The following CEP112 variants were observed in gnomAD, a reference collection of about 807,000 sequenced individuals.
CEP112 encodes centrosomal protein 112.
CEP112 carries 127 observed loss-of-function variants against 153.0 expected under a neutral mutation model. The ratio of observed to expected loss-of-function variants is 0.83; its 90% CI spans 0.72 to 0.96. The LOEUF (loss-of-function observed/expected upper bound fraction) is 0.96. CEP112 is among the 40% of genes least tolerant of loss of function. CEP112 has a pLI of 0.00. For synonymous variants in CEP112, 358 were observed against 374.4 expected (o/e 0.96, Z 0.51); for missense variants, 1,089 against 1,101.2 (o/e 0.99, Z 0.16).
chr17:65,831,222 CTG>C (rs1298677715), intron 21 of CEP112, among the ~76,000 whole-genome samples: 1 of 152,210 alleles, frequency 6.6e-6, no homozygotes, highest in Non-Finnish European at 1.5e-5. Flanking sequence ...AGCTGACAAA[CTG>C]TGAAATATCA....
Position 65,750,666 on chromosome 17 carries a change from G to A in CEP112, c.2453C>T (p.Ser818Leu), listed in dbSNP as rs1393748212. 1 of 1,613,692 alleles carries A rather than the reference G, an allele frequency of 6.2e-7. No individual in the cohort carries two copies. The highest frequency in any genetic ancestry group is 1.3e-5 in the African/African-American group (1 of 74,906). ...KEYTQKLAKS[S>L]QIIAELQTTI... ...GTGTCTTTTAATGTTGCTTACCTGT[G>A]AAGATTTGGCAAGCTTCTGAGTGTA... Residue 818 changes from serine (S) to leucine (L), a missense_variant, in exon 22 of 27, where the codon TCA becomes TTA. Coordinates refer to ENST00000535342, the MANE Select transcript of CEP112 (RefSeq NM_001199165.4).
intron 21 of CEP112, among the ~76,000 whole-genome samples, chr17:65,798,043 T>A (rs1482364302): frequency 1.3e-5 from 2 of 152,118 alleles, no homozygotes; most frequent in Non-Finnish European, 2.9e-5. Context: ...GGGTGGTATA[T>A]GAGTGTGGGC....
At chr17:66,030,817 C>A (rs929940918) in intron 12 of CEP112, among the ~76,000 whole-genome samples, 3 of 152,088 alleles carry the variant, frequency 2.0e-5, no homozygotes, top group African/African-American at 4.8e-5. Flanking sequence ...AATTAAACTT[C>A]TAATAAGTGT....
At chr17:65,832,473 G>C (rs1254952595) in intron 21 of CEP112, among the ~76,000 whole-genome samples, 3 of 147,720 alleles carry the variant, frequency 2.0e-5, no homozygotes, top group African/African-American at 7.4e-5. Flanking sequence ...TAATAAAGAA[G>C]AAAGAGAGAA....
At chr17:65,900,694 G>A (rs1285419575) in intron 20 of CEP112, among the ~76,000 whole-genome samples, 1 of 152,070 alleles carries the variant, frequency 6.6e-6, no homozygotes, top group African/African-American at 2.4e-5. Flanking sequence ...GGAAAACAAT[G>A]GTAAGGTTTA....
chr17:65,731,284 TA>T (rs1380791876), intron 23 of CEP112, among the ~76,000 whole-genome samples: 1 of 152,194 alleles, frequency 6.6e-6, no homozygotes, highest in African/African-American at 2.4e-5. Flanking sequence ...GAGTCTCGCA[TA>T]TTTTTTTGGT....
chr17:66,072,210 C>T (rs1471726203), intron 8 of CEP112, among the ~76,000 whole-genome samples: 1 of 152,094 alleles, frequency 6.6e-6, no homozygotes, highest in Non-Finnish European at 1.5e-5. Flanking sequence ...TCCCTAAAAA[C>T]TTCAATATAT....
chr17:66,016,240 C>G (rs988987361), intron 16 of CEP112, among the ~76,000 whole-genome samples: 1 of 152,146 alleles, frequency 6.6e-6, no homozygotes, highest in African/African-American at 2.4e-5. Context: ...GTAATGCTCT[C>G]ATTCCTTTCC....
chr17:65,902,215 C>CTGTTT lies in CEP112; in HGVS notation c.2095_2099dup (p.Leu701AsnfsTer35). On this transcript the variant is annotated frameshift_variant, in exon 20 of 27. Coordinates refer to ENST00000535342, the MANE Select transcript of CEP112 (RefSeq NM_001199165.4). LOFTEE classifies it high-confidence loss of function. ...CGTGCTCCATATTGGCAGCGCGAAG[C>CTGTTT]TGTTTTTCCAGGTTTTCAATTTCCC... The CTGTTT allele has an allele frequency of 6.2e-7, 1 of 1,614,010 alleles. No individual in the cohort carries two copies. Among genetic ancestry groups the CTGTTT allele is most frequent in the Non-Finnish European group, 8.5e-7 (1 of 1,179,986 alleles).
intron 17 of CEP112, among the ~76,000 whole-genome samples, chr17:65,988,550 T>G (rs1382834998): frequency 5.3e-5 from 8 of 150,080 alleles, no homozygotes; most frequent in African/African-American, 2.0e-4. Context: ...TCATAAATTA[T>G]CAGAGAAATC....
intron 12 of CEP112, among the ~76,000 whole-genome samples, chr17:66,038,015 C>A (rs2065807942): frequency 6.7e-6 from 1 of 148,934 alleles, no homozygotes; most frequent in South Asian, 2.1e-4. Flanking sequence ...TGGGGCTGTA[C>A]CAGATACAAC....
chr17:66,119,947 T>C (rs1030126879), intron 6 of CEP112, among the ~76,000 whole-genome samples: 1 of 152,192 alleles, frequency 6.6e-6, no homozygotes, highest in African/African-American at 2.4e-5. Flanking sequence ...TATCTCATCA[T>C]AGCATCTTTT....
chr17:66,031,157 G>C (rs903178299), intron 12 of CEP112, among the ~76,000 whole-genome samples: 2 of 152,056 alleles, frequency 1.3e-5, no homozygotes, highest in African/African-American at 4.8e-5. Flanking sequence ...TTATCCCTCT[G>C]CTTTAGGAGC....
At chr17:65,709,376 C>T (rs565952886) in intron 23 of CEP112, among the ~76,000 whole-genome samples, 1 of 152,316 alleles carries the variant, frequency 6.6e-6, no homozygotes, top group East Asian at 1.9e-4. Flanking sequence ...CACAGTTCCA[C>T]ATGGCTGGGG....
intron 18 of CEP112, among the ~76,000 whole-genome samples, chr17:65,948,219 C>T (rs1023061510): frequency 6.6e-6 from 1 of 152,152 alleles, no homozygotes; most frequent in Admixed American, 6.5e-5. Context: ...CTTTTCAGAA[C>T]TTTGTTTTCA....
At chr17:65,900,443 G>A (rs181971644) in intron 20 of CEP112, among the ~76,000 whole-genome samples, 2 of 152,144 alleles carry the variant, frequency 1.3e-5, no homozygotes, top group East Asian at 1.9e-4. Flanking sequence ...TTTATTATAC[G>A]TAATAGAACT....
chr17:65,903,617 G>A (rs1470413263), intron 19 of CEP112, among the ~76,000 whole-genome samples: 1 of 152,090 alleles, frequency 6.6e-6, no homozygotes, highest in Non-Finnish European at 1.5e-5. Context: ...ATTTTATGAG[G>A]CCAGCATCAT....
At chr17:65,850,124 A>C (rs2057873269) in intron 21 of CEP112, among the ~76,000 whole-genome samples, 1 of 145,786 alleles carries the variant, frequency 6.9e-6, no homozygotes, top group African/African-American at 2.6e-5. Context: ...ACTGCACTCC[A>C]GCCTGGGCGA....
intron 23 of CEP112, among the ~76,000 whole-genome samples, chr17:65,718,670 T>C (rs1452745618): frequency 6.6e-6 from 1 of 152,136 alleles, no homozygotes; most frequent in Non-Finnish European, 1.5e-5. Flanking sequence ...TTTTATGTCA[T>C]GAAATAATAT....
Sources: gnomAD v4.1 joint callset for allele counts (sites outside exome capture counted in the v4.1 genomes callset) on GRCh38, gnomAD v4.1.1 for gene constraint, MANE v1.5 for transcripts, NCBI Gene and HGNC (gene_info 2026-07-23, HGNC 2026-07-21) for gene names.